The following CAST variants were observed in gnomAD, a reference collection of about 807,000 sequenced individuals.
CAST encodes the protein calpastatin, also known as MIR583 host.
A neutral mutation model predicts 119.6 loss-of-function variants in CAST; 76 were observed. The observed-to-expected ratio is 0.64, with a 90% CI of 0.53 to 0.77. The LOEUF (loss-of-function observed/expected upper bound fraction) is 0.77. CAST is among the 30% of genes least tolerant of loss of function. The probability of loss-of-function intolerance (pLI) is 0.00; values close to 1 mark genes in which losing one functional copy is unlikely to be tolerated. For missense variants in CAST, 953 were observed against 946.5 expected (o/e 1.01, Z -0.09); for synonymous variants, 319 against 331.6 (o/e 0.96, Z 0.41).
chr5:96,754,232 T>C (rs1765790729), intron 21 of CAST, 71 bp downstream of exon 21: 2 of 951,350 alleles, frequency 2.1e-6, no homozygotes, highest in East Asian at 2.5e-5. Flanking sequence ...AATAAGTTAG[T>C]CATTTGTTTT....
At chr5:96,236,747 G>A in the CAST span, among the ~76,000 whole-genome samples, 1 of 152,068 alleles carries the variant, frequency 6.6e-6, no homozygotes, top group Admixed American at 6.5e-5. Flanking sequence ...AATTCAAATC[G>A]AACTGGGTGG....
Position 96,689,829 on chromosome 5 carries a change from A to AT in CAST, c.139-6000dup, listed in dbSNP as rs1329870730. ...CATAGACTTTCTTACTTCTATTGTCATTTTTTTGTTATTCACTTTTCTACT... is the reference window on the plus strand; with the variant it reads ...CATAGACTTTCTTACTTCTATTGTCATTTTTTTTGTTATTCACTTTTCTACT... On this transcript the variant is annotated intron_variant, in intron 2 of 31. Transcript: ENST00000675179. Among the ~76,000 whole-genome samples the AT allele has an allele frequency of 2.6e-5, 4 of 152,082 alleles. No homozygotes were observed. The East Asian group carries it at 5.8e-4, about 22-fold the overall frequency.
chr5:96,077,745 G>T, the CAST span, among the ~76,000 whole-genome samples: 1 of 152,056 alleles, frequency 6.6e-6, no homozygotes, highest in South Asian at 2.1e-4. Context: ...TCTACCATGA[G>T]TGGAAGCAGC....
intron 1 of CAST, among the ~76,000 whole-genome samples, chr5:96,656,480 C>T (rs1406128221): frequency 2.6e-5 from 4 of 152,212 alleles, no homozygotes; most frequent in Non-Finnish European, 4.4e-5. Flanking sequence ...ATCTCTGCTT[C>T]CCTGGCAGGC....
the CAST span, chr5:96,391,428 C>A: frequency 6.6e-6 from 1 of 152,130 alleles, no homozygotes; most frequent in Admixed American, 6.5e-5. Flanking sequence ...ACTTTGTAAG[C>A]ATATTGAGAG....
intron 14 of CAST, 61 bp from the exon 15 acceptor site, chr5:96,741,433 A>G: frequency 6.8e-7 from 1 of 1,474,062 alleles, no homozygotes; most frequent in Non-Finnish European, 9.5e-7. Flanking sequence ...TTTTTAGTTC[A>G]GGCTATTACA....
At chr5:96,529,391 T>C (rs546647493), upstream of CAST, among the ~76,000 whole-genome samples, 2 of 151,918 alleles carry the variant, frequency 1.3e-5, no homozygotes, top group South Asian at 4.2e-4. Context: ...TTTTGGTTTC[T>C]TTTTTGTTTG....
At chr5:96,548,880 C>T (rs762988955) in intron 1 of CAST, among the ~76,000 whole-genome samples, 9 of 152,184 alleles carry the variant, frequency 5.9e-5, no homozygotes, top group Non-Finnish European at 1.2e-4. Context: ...TTCCCCAGAC[C>T]AGAGTTAGTT....
At chr5:96,393,463 G>A in the CAST span, 16 of 1,475,774 alleles carry the variant, frequency 1.1e-5, no homozygotes, top group Middle Eastern at 2.4e-4. Flanking sequence ...CCACAGGAAC[G>A]CTGCCTGCCG....
chr5:96,060,500 C>T, the CAST span, among the ~76,000 whole-genome samples: 1 of 152,068 alleles, frequency 6.6e-6, no homozygotes, highest in African/African-American at 2.4e-5. Flanking sequence ...ATTGCATTTC[C>T]AGCGTCCTAT....
the CAST span, among the ~76,000 whole-genome samples, chr5:96,510,221 G>T: frequency 1.3e-5 from 2 of 152,124 alleles, no homozygotes; most frequent in Non-Finnish European, 2.9e-5. Flanking sequence ...GAGTCTTGCA[G>T]GATTTATAGG....
the CAST span, among the ~76,000 whole-genome samples, chr5:96,383,007 C>T: frequency 2.0e-4 from 30 of 152,294 alleles, 1 homozygote; most frequent in Admixed American, 9.8e-4. Context: ...GTACAAGACA[C>T]GGTGCTAATC....
the CAST span, among the ~76,000 whole-genome samples, chr5:96,449,162 C>T: frequency 6.6e-6 from 1 of 152,172 alleles, no homozygotes; most frequent in African/African-American, 2.4e-5. Flanking sequence ...GCTTAACCAC[C>T]AATGCAGTCT....
At chr5:96,443,087 A>C in the CAST span, among the ~76,000 whole-genome samples, 2 of 152,176 alleles carry the variant, frequency 1.3e-5, no homozygotes, top group African/African-American at 4.8e-5. Context: ...AAACAGAGTA[A>C]TGACTCAATG....
At chr5:95,996,350 A>G in the CAST span, among the ~76,000 whole-genome samples, 16 of 152,168 alleles carry the variant, frequency 1.1e-4, no homozygotes, top group Non-Finnish European at 1.8e-4. Context: ...CTGCAAGGCC[A>G]TCTCAAGTGT....
the CAST span, among the ~76,000 whole-genome samples, chr5:96,518,232 A>G: frequency 6.6e-6 from 1 of 152,266 alleles, no homozygotes; most frequent in Admixed American, 6.5e-5. Flanking sequence ...TTTAGCTAGT[A>G]TTTATAGATT....
At chr5:96,268,237 A>G in the CAST span, among the ~76,000 whole-genome samples, 5 of 152,190 alleles carry the variant, frequency 3.3e-5, no homozygotes, top group Admixed American at 3.3e-4. Context: ...CTTACTTATC[A>G]ATAATAACAC....
At chr5:96,539,050 T>G (rs1490446823) in intron 1 of CAST, among the ~76,000 whole-genome samples, 1 of 152,224 alleles carries the variant, frequency 6.6e-6, no homozygotes, top group African/African-American at 2.4e-5. Context: ...CATTTGCAGT[T>G]AAAACAAATC....
chr5:96,151,525 G>A, the CAST span, among the ~76,000 whole-genome samples: 1 of 152,158 alleles, frequency 6.6e-6, no homozygotes, highest in East Asian at 1.9e-4. Flanking sequence ...AAAGGATAGT[G>A]CAGAGGGTGG....
Sources: gnomAD v4.1 joint callset for allele counts (sites outside exome capture counted in the v4.1 genomes callset) on GRCh38, gnomAD v4.1.1 for gene constraint, MANE v1.5 for transcripts, NCBI Gene and HGNC (gene_info 2026-07-23, HGNC 2026-07-21) for gene names.